ADCY2: variants seen among roughly 807,000 people sequenced by gnomAD.
The protein encoded by ADCY2 is adenylate cyclase type 2.
ADCY2 carries 31 observed loss-of-function variants against 125.2 expected under a neutral mutation model. The ratio of observed to expected loss-of-function variants is 0.25; its 90% CI spans 0.19 to 0.33. The LOEUF is 0.33. Among genes scored for constraint, ADCY2 ranks in the 10% least tolerant of loss-of-function variants. The pLI is 1.00. For synonymous variants in ADCY2, 512 were observed against 548.4 expected, an observed-to-expected ratio of 0.93 and a Z score of 0.93; for missense variants, 904 against 1,418.2, an observed-to-expected ratio of 0.64 and a Z score of 5.82.
chr5:7,431,028 A>C (rs954637429), intron 2 of ADCY2, among the ~76,000 whole-genome samples: 1 of 152,144 alleles, frequency 6.6e-6, no homozygotes, highest in East Asian at 1.9e-4. Context: ...AAGTCCCAGC[A>C]AGCTTTTTCA....
At chr5:7,594,632 T>C (rs1025906364) in intron 3 of ADCY2, among the ~76,000 whole-genome samples, 2 of 152,234 alleles carry the variant, frequency 1.3e-5, no homozygotes, top group Non-Finnish European at 2.9e-5. Flanking sequence ...TTGTTGTTAT[T>C]GTCCCCAACC....
At chr5:7,531,346 C>G (rs1447494036) in intron 3 of ADCY2, among the ~76,000 whole-genome samples, 1 of 152,122 alleles carries the variant, frequency 6.6e-6, no homozygotes, top group Non-Finnish European at 1.5e-5. Flanking sequence ...CATGCTACAT[C>G]TAAGTTTTGT....
intron 3 of ADCY2, among the ~76,000 whole-genome samples, chr5:7,590,261 G>A (rs1231817354): frequency 1.3e-5 from 2 of 152,120 alleles, no homozygotes; most frequent in Non-Finnish European, 2.9e-5. Flanking sequence ...AGAATATGGG[G>A]ATTATTAATT....
chr5:7,757,947 C>T (rs988263243), intron 16 of ADCY2, among the ~76,000 whole-genome samples: 1 of 152,178 alleles, frequency 6.6e-6, no homozygotes, highest in Non-Finnish European at 1.5e-5. Context: ...CTTCCTTGCT[C>T]ATGGTGGCCC....
intron 4 of ADCY2, among the ~76,000 whole-genome samples, chr5:7,676,893 C>A (rs1216300685): frequency 6.6e-6 from 1 of 152,174 alleles, no homozygotes; most frequent in African/African-American, 2.4e-5. Context: ...ATTTAGGTAG[C>A]TGAAACTGGA....
intron 1 of ADCY2, among the ~76,000 whole-genome samples, chr5:7,408,297 C>T (rs1036567752): frequency 6.6e-6 from 1 of 152,156 alleles, no homozygotes; most frequent in African/African-American, 2.4e-5. Flanking sequence ...CCAGACACCA[C>T]TGTTACCACG....
At chr5:7,633,988 A>G (rs963547112) in intron 4 of ADCY2, among the ~76,000 whole-genome samples, 1 of 152,232 alleles carries the variant, frequency 6.6e-6, no homozygotes, top group African/African-American at 2.4e-5. Context: ...TTCTAAAATG[A>G]GCCCTTTTGT....
At chr5:7,826,581 A>T in intron 24 of ADCY2, 138 bp from the exon 25 acceptor site, 1 of 1,117,274 alleles carries the variant, frequency 9.0e-7, no homozygotes, top group Non-Finnish European at 1.4e-6. Flanking sequence ...GATTACTCTC[A>T]CTTTTCTACT....
At chr5:7,425,972 G>A (rs1579431862) in intron 2 of ADCY2, among the ~76,000 whole-genome samples, 2 of 152,266 alleles carry the variant, frequency 1.3e-5, no homozygotes, top group East Asian at 3.9e-4. Flanking sequence ...ATCAGGCCCA[G>A]CCTTTGTGTC....
At chr5:7,680,011 A>G (rs1240910219) in intron 4 of ADCY2, among the ~76,000 whole-genome samples, 1 of 152,180 alleles carries the variant, frequency 6.6e-6, no homozygotes, top group East Asian at 1.9e-4. Context: ...GCAAGACAAC[A>G]GTGAAAGTGA....
At chr5:7,409,885 A>T (rs1739644568) in intron 1 of ADCY2, among the ~76,000 whole-genome samples, 1 of 152,202 alleles carries the variant, frequency 6.6e-6, no homozygotes, top group Admixed American at 6.5e-5. Flanking sequence ...AAATTATTAT[A>T]ATTGCCTATT....
chr5:7,704,948 G>A (rs1170913540), intron 7 of ADCY2, among the ~76,000 whole-genome samples: 1 of 151,078 alleles, frequency 6.6e-6, no homozygotes, highest in African/African-American at 2.4e-5. Flanking sequence ...TTTTAAAAAA[G>A]ACAACATGGA....
chr5:7,691,044 G>C (rs1740685638), intron 5 of ADCY2: 2 of 469,896 alleles, frequency 4.3e-6, no homozygotes, highest in Non-Finnish European at 6.9e-6. Context: ...ATAGGATGCT[G>C]TTTGCTGTGT....
intron 10 of ADCY2, among the ~76,000 whole-genome samples, chr5:7,710,610 CAG>C (rs1430001350): frequency 1.3e-5 from 2 of 152,068 alleles, no homozygotes; most frequent in Non-Finnish European, 2.9e-5. Flanking sequence ...CCCCTGGAGA[CAG>C]AGAGGAAGCT....
chr5:7,783,756 C>G (rs1014564583), intron 18 of ADCY2, among the ~76,000 whole-genome samples: 7 of 152,128 alleles, frequency 4.6e-5, no homozygotes, highest in Non-Finnish European at 1.0e-4. Context: ...TGGGGGAGCC[C>G]ACCCAGTGCA....
At position 7,753,775 on chromosome 5, in the gene ADCY2, T is replaced by A. The variant is rs183235046; in HGVS notation, c.1957-3674T>A. On this transcript the variant is annotated intron_variant, in intron 15 of 24. Transcript: ENST00000338316. ...GGTTTCTTCTGCTCCCCCCACCAGC[T>A]TGATCCTCCACTTCCTCTTTCATCC... Among the ~76,000 whole-genome samples the A allele has an allele frequency of 2.0e-5, 3 of 152,262 alleles. No individual in the cohort carries two copies. The East Asian group carries it at 5.8e-4, about 29-fold the overall frequency.
intron 3 of ADCY2, among the ~76,000 whole-genome samples, chr5:7,619,159 A>G (rs750136172): frequency 4.6e-5 from 7 of 152,242 alleles, no homozygotes; most frequent in Non-Finnish European, 1.0e-4. Flanking sequence ...TGTAAAGTTT[A>G]GGTAATCATT....
At chr5:7,784,128 G>A (rs1210102708) in intron 18 of ADCY2, among the ~76,000 whole-genome samples, 1 of 152,112 alleles carries the variant, frequency 6.6e-6, no homozygotes, top group Non-Finnish European at 1.5e-5. Context: ...TTCATATTTG[G>A]TATAGCTTGA....
At chr5:7,773,134 G>A (rs1368481068) in intron 18 of ADCY2, 33 bp downstream of exon 18, 7 of 1,604,404 alleles carry the variant, frequency 4.4e-6, no homozygotes, top group Admixed American at 1.7e-5. Flanking sequence ...TCTTACTATA[G>A]TTCTTTCCCA....
Sources: gnomAD v4.1 joint callset for allele counts (sites outside exome capture counted in the v4.1 genomes callset) on GRCh38, gnomAD v4.1.1 for gene constraint, MANE v1.5 for transcripts, NCBI Gene and HGNC (gene_info 2026-07-23, HGNC 2026-07-21) for gene names.